CRIM1: variants seen among roughly 807,000 people sequenced by gnomAD.
The protein encoded by CRIM1 is cysteine-rich motor neuron 1 protein.
Under a neutral mutation model 116.4 loss-of-function variants are expected in CRIM1, and 32 were observed. The ratio of observed to expected loss-of-function variants is 0.27; its 90% CI spans 0.21 to 0.37. The LOEUF is 0.37. Ranked by LOEUF, CRIM1 falls within the 10% of genes least tolerant of loss-of-function variation. CRIM1 has a pLI of 1.00. For missense variants in CRIM1, 1,331 were observed against 1,354.8 expected, an observed-to-expected ratio of 0.98 and a Z score of 0.28; for synonymous variants, 590 against 509.2, an observed-to-expected ratio of 1.16 and a Z score of -2.13.
At chr2:36,438,004 C>T (rs1675458946) in intron 2 of CRIM1, among the ~76,000 whole-genome samples, 1 of 151,944 alleles carries the variant, frequency 6.6e-6, no homozygotes. Flanking sequence ...TGGTGGCACG[C>T]ACCCGTAGTC....
At chr2:36,482,328 AAC>A (rs1322743325) in intron 7 of CRIM1, among the ~76,000 whole-genome samples, 11 of 151,608 alleles carry the variant, frequency 7.3e-5, no homozygotes, top group African/African-American at 2.4e-4. Flanking sequence ...TAATAATAAG[AAC>A]ACAGATTATT....
intron 7 of CRIM1, among the ~76,000 whole-genome samples, chr2:36,493,225 A>G (rs1680352200): frequency 6.6e-6 from 1 of 152,186 alleles, no homozygotes; most frequent in African/African-American, 2.4e-5. Flanking sequence ...ACTGGGCAAC[A>G]TAGTGAGACC....
chr2:36,418,225 A>C (rs1389509912), intron 2 of CRIM1, among the ~76,000 whole-genome samples: 1 of 152,232 alleles, frequency 6.6e-6, no homozygotes, highest in Non-Finnish European at 1.5e-5. Context: ...TTCAAGGCAC[A>C]GTGCAGGAGT....
chr2:36,481,040 A>T (rs1182379156), intron 7 of CRIM1, among the ~76,000 whole-genome samples: 1 of 152,170 alleles, frequency 6.6e-6, no homozygotes, highest in Non-Finnish European at 1.5e-5. Flanking sequence ...TTTAATTACG[A>T]ATATTTGGGA....
chr2:36,545,110 A>C (rs1220998612), intron 15 of CRIM1, among the ~76,000 whole-genome samples: 1 of 152,206 alleles, frequency 6.6e-6, no homozygotes, highest in East Asian at 1.9e-4. Flanking sequence ...TCAGTAGTAT[A>C]AACTTGCTCT....
At chr2:36,381,658 G>A (rs1050676362) in intron 1 of CRIM1, among the ~76,000 whole-genome samples, 17 of 152,042 alleles carry the variant, frequency 1.1e-4, no homozygotes, top group Non-Finnish European at 2.2e-4. Context: ...GCAGTGGCTC[G>A]TGCCTGTAAT....
At chr2:36,468,756 C>T (rs2125018302) in intron 5 of CRIM1, among the ~76,000 whole-genome samples, 1 of 152,284 alleles carries the variant, frequency 6.6e-6, no homozygotes, top group African/African-American at 2.4e-5. Context: ...ACACAGTACC[C>T]CCTGCTGTCT....
At chr2:36,444,090 G>A (rs1676065131) in intron 4 of CRIM1, among the ~76,000 whole-genome samples, 1 of 152,226 alleles carries the variant, frequency 6.6e-6, no homozygotes, top group Non-Finnish European at 1.5e-5. Context: ...TCCTGAAAAG[G>A]AAGGTGGTAC....
intron 1 of CRIM1, among the ~76,000 whole-genome samples, chr2:36,395,453 G>A (rs1671951585): frequency 6.6e-6 from 1 of 152,134 alleles, no homozygotes. Context: ...TTTCAGGTGG[G>A]TAAAGTATCT....
chr2:36,500,950 A>G (rs57231318), intron 8 of CRIM1, among the ~76,000 whole-genome samples: 8,225 of 152,222 alleles, frequency 0.054, 720 homozygotes, highest in African/African-American at 0.19. Flanking sequence ...GGCCTGGCTT[A>G]TTTTTCCAGA....
chr2:36,464,784 C>A, intron 5 of CRIM1, 129 bp downstream of exon 5: 1 of 1,106,006 alleles, frequency 9.0e-7, no homozygotes, highest in Non-Finnish European at 1.3e-6. Flanking sequence ...GAAGGGCACT[C>A]AAAAAGGTTT....
intron 4 of CRIM1, among the ~76,000 whole-genome samples, chr2:36,463,486 T>C (rs1436367819): frequency 6.6e-6 from 1 of 152,266 alleles, no homozygotes; most frequent in East Asian, 1.9e-4. Flanking sequence ...TTTTTTAGGA[T>C]GTCTTCCTTT....
chr2:36,544,201 T>G (rs1245129131), intron 14 of CRIM1, among the ~76,000 whole-genome samples, 175 bp from the exon 15 acceptor site: 1 of 152,224 alleles, frequency 6.6e-6, no homozygotes, highest in Non-Finnish European at 1.5e-5. Flanking sequence ...TTCTCCTCAC[T>G]GCAAAGCTCG....
chr2:36,463,662 C>A (rs192143892), intron 4 of CRIM1, among the ~76,000 whole-genome samples: 5 of 152,296 alleles, frequency 3.3e-5, no homozygotes, highest in African/African-American at 1.2e-4. Flanking sequence ...GCCTCTCTTT[C>A]ATTGTAGCAG....
At chr2:36,423,703 G>T (rs866730946) in intron 2 of CRIM1, among the ~76,000 whole-genome samples, 2 of 152,166 alleles carry the variant, frequency 1.3e-5, no homozygotes, top group Non-Finnish European at 2.9e-5. Flanking sequence ...TTACATTGTT[G>T]ACTGGGTTCC....
chr2:36,447,778 A>G (rs550483960), intron 4 of CRIM1, among the ~76,000 whole-genome samples: 1 of 152,298 alleles, frequency 6.6e-6, no homozygotes, highest in African/African-American at 2.4e-5. Context: ...CCTAATCTAC[A>G]TTTAACCAAG....
intron 1 of CRIM1, among the ~76,000 whole-genome samples, chr2:36,367,377 A>G (rs1354175543): frequency 2.6e-5 from 4 of 152,202 alleles, no homozygotes; most frequent in Non-Finnish European, 4.4e-5. Context: ...GAATTCTTGT[A>G]TGTGATAACA....
intron 8 of CRIM1, among the ~76,000 whole-genome samples, chr2:36,501,972 T>C (rs1681032471): frequency 6.6e-6 from 1 of 152,220 alleles, no homozygotes; most frequent in Non-Finnish European, 1.5e-5. Context: ...GTAATTGTCA[T>C]GAAGTGTTTA....
At chr2:36,380,017 C>T (rs1264195396) in intron 1 of CRIM1, among the ~76,000 whole-genome samples, 2 of 152,042 alleles carry the variant, frequency 1.3e-5, no homozygotes, top group Admixed American at 6.5e-5. Context: ...CTTACAGAGG[C>T]AGAGCCTAAC....
Sources: gnomAD v4.1 joint callset for allele counts (sites outside exome capture counted in the v4.1 genomes callset) on GRCh38, gnomAD v4.1.1 for gene constraint, MANE v1.5 for transcripts, NCBI Gene and HGNC (gene_info 2026-07-23, HGNC 2026-07-21) for gene names.